Variants in GPR160 observed in about 807,000 individuals in gnomAD.
The protein encoded by GPR160 is G protein-coupled receptor 160.
GPR160 carries 2 observed loss-of-function variants against 2.6 expected under a neutral mutation model. That is an observed-to-expected ratio of 0.77 (90% CI 0.32 to 2.44). The LOEUF (loss-of-function observed/expected upper bound fraction) is 2.44, where lower values mean the gene tolerates loss of function less well. Ranked by LOEUF, GPR160 falls within the 30% of genes most tolerant of loss-of-function variation. The probability of loss-of-function intolerance (pLI) is 0.11; values close to 1 mark genes in which losing one functional copy is unlikely to be tolerated. For missense variants in GPR160, 351 were observed against 383.6 expected (o/e 0.91, Z 0.71); for synonymous variants, 130 against 132.2 (o/e 0.98, Z 0.12).
At chr3:170,081,457 C>CAA (rs1203791320) in intron 3 of GPR160, among the ~76,000 whole-genome samples, 1 of 152,140 alleles carries the variant, frequency 6.6e-6, no homozygotes, top group Non-Finnish European at 1.5e-5. Context: ...ATTGCCTTTA[C>CAA]ACATATATAC....
intron 2 of GPR160, among the ~76,000 whole-genome samples, chr3:170,065,386 C>A (rs888848865): frequency 1.3e-5 from 2 of 152,112 alleles, no homozygotes; most frequent in African/African-American, 4.8e-5. Flanking sequence ...AGCCATGTGC[C>A]CTACTCTAAT....
intron 2 of GPR160, chr3:170,062,523 A>G (rs1346360534): frequency 4.6e-6 from 3 of 656,064 alleles, no homozygotes; most frequent in African/African-American, 3.7e-5. Flanking sequence ...TGCAACACGG[A>G]GCACGAAGCC....
intron 2 of GPR160, among the ~76,000 whole-genome samples, chr3:170,055,215 A>G (rs1711575497): frequency 6.6e-6 from 1 of 152,214 alleles, no homozygotes; most frequent in Admixed American, 6.5e-5. Flanking sequence ...GTAGAATGGT[A>G]GTGGGGCAAG....
chr3:170,077,214 G>A (rs1017334315), intron 2 of GPR160: 1 of 152,066 alleles, frequency 6.6e-6, no homozygotes, highest in Non-Finnish European at 1.5e-5. Flanking sequence ...TGTTCACAGC[G>A]TTCATCTCCC....
Position 170,054,509 on chromosome 3 carries a change from T to C in GPR160, c.-193+15466T>C, listed in dbSNP as rs140374996. Among the ~76,000 whole-genome samples the C allele has an allele frequency of 2.9e-3, 439 of 152,278 alleles. 1 individual carries two copies. Among genetic ancestry groups the C allele is most frequent in the African/African-American group, 9.2e-3 (383 of 41,544 alleles). ...TCTTAACCATTTTTAAGTGTACAGG[T>C]CAATGGCACTAAGTACATTCACATT... On this transcript the variant is annotated intron_variant, in intron 2 of 3. Coordinates refer to ENST00000355897, the MANE Select transcript of GPR160 (RefSeq NM_014373.3).
chr3:170,074,963 C>T (rs1712779932), intron 2 of GPR160, among the ~76,000 whole-genome samples: 2 of 152,062 alleles, frequency 1.3e-5, no homozygotes, highest in South Asian at 4.2e-4. Flanking sequence ...CAGTGGCTCA[C>T]ACCTGTAATC....
chr3:170,082,405 T>A (rs1433117623), intron 3 of GPR160, among the ~76,000 whole-genome samples: 6 of 152,156 alleles, frequency 3.9e-5, no homozygotes, highest in Admixed American at 6.5e-5. Flanking sequence ...AAGATGACCA[T>A]ATCCAGGGTG....
intron 2 of GPR160, among the ~76,000 whole-genome samples, chr3:170,045,437 AAAAAAAAAAAC>A (rs1716674124): frequency 4.8e-5 from 5 of 104,956 alleles, no homozygotes; most frequent in Admixed American, 1.1e-4. Flanking sequence ...AAAAAAAAAA[AAAAAAAAAAAC>A]CAATTAGCCA....
At chr3:170,073,742 T>G (rs539860048) in intron 2 of GPR160, among the ~76,000 whole-genome samples, 1 of 152,324 alleles carries the variant, frequency 6.6e-6, no homozygotes, top group Non-Finnish European at 1.5e-5. Context: ...TTCTAGTCCT[T>G]GTGAAATGAG....
chr3:170,066,130 C>CTTTT (rs768660597), intron 2 of GPR160, among the ~76,000 whole-genome samples: 33 of 85,214 alleles, frequency 3.9e-4, no homozygotes, highest in East Asian at 3.7e-3. Flanking sequence ...TTTTCTTTTT[C>CTTTT]TTTTTTTTTT....
In GPR160 at chr3:170,038,821, G is replaced by T. The variant is rs1225937325; in HGVS notation, c.-321-94G>T. On this transcript the variant is annotated intron_variant, in intron 1 of 3. Transcript: ENST00000355897. This position sits in a 1 kb window ranked among gnomAD's most constrained non-coding sequence, Gnocchi z 5.3. ...GCCGTTGCGTCCGGGTAGGTTCCTGGATGACCATCCTGGCTGGCTCAAAAT... is the reference window on the plus strand; with the variant it reads ...GCCGTTGCGTCCGGGTAGGTTCCTGTATGACCATCCTGGCTGGCTCAAAAT... 2.6e-5 allele frequency: 4 copies of T among 152,238 alleles called. No homozygotes were observed. Among genetic ancestry groups the T allele is most frequent in the South Asian group, 4.1e-4 (2 of 4,822 alleles). The allele number at this position is 152,238 out of a possible 1,614,324, so 9.4% of individuals were successfully genotyped here.
intron 2 of GPR160, among the ~76,000 whole-genome samples, chr3:170,055,321 A>G (rs1711580940): frequency 6.6e-6 from 1 of 152,176 alleles, no homozygotes; most frequent in Non-Finnish European, 1.5e-5. Context: ...TGTGATGGTG[A>G]AAAAAGGATC....
intron 2 of GPR160, among the ~76,000 whole-genome samples, chr3:170,068,307 A>G (rs1408012564): frequency 6.6e-6 from 1 of 151,758 alleles, no homozygotes; most frequent in East Asian, 1.9e-4. Flanking sequence ...ACCATGCCCC[A>G]CTAATTATTT....
chr3:170,081,757 A>G (rs12487269), intron 3 of GPR160, among the ~76,000 whole-genome samples: 68,117 of 151,898 alleles, frequency 0.45, 15,551 homozygotes, highest in East Asian at 0.7. Flanking sequence ...CCCAGTGTCC[A>G]CTGTCCCCTT....
At chr3:170,058,589 A>C (rs1487819538) in intron 2 of GPR160, among the ~76,000 whole-genome samples, 1 of 152,256 alleles carries the variant, frequency 6.6e-6, no homozygotes, top group Non-Finnish European at 1.5e-5. Flanking sequence ...ATACTAGTTA[A>C]ACCGTCATTC....
intron 2 of GPR160, among the ~76,000 whole-genome samples, chr3:170,051,848 G>A (rs978883365): frequency 6.6e-6 from 1 of 152,140 alleles, no homozygotes; most frequent in African/African-American, 2.4e-5. Context: ...AGCCTAAGTT[G>A]TTGATTTCTT....
At chr3:170,046,481 T>G (rs1716726212) in intron 2 of GPR160, among the ~76,000 whole-genome samples, 1 of 152,094 alleles carries the variant, frequency 6.6e-6, no homozygotes, top group Non-Finnish European at 1.5e-5. Flanking sequence ...TAAGGCCAGG[T>G]CTTCTGGGCA....
chr3:170,072,349 C>T (rs1335333794), intron 2 of GPR160, among the ~76,000 whole-genome samples: 1 of 151,930 alleles, frequency 6.6e-6, no homozygotes, highest in Non-Finnish European at 1.5e-5. Context: ...TGCTGGGATT[C>T]CAGGCATGAA....
chr3:170,056,177 T>C lies in GPR160; in HGVS notation c.-193+17134T>C, dbSNP rs573015367. 6.6e-5 allele frequency among the ~76,000 whole-genome samples: 10 copies of C among 152,362 alleles called. No individual in the cohort carries two copies. In the South Asian group the frequency reaches 1.0e-3, roughly 16 times the overall value. ...CTGAACCTTATACTTGTATTACTTA[T>C]CTGTTCCCACCAAAATGATGACGAG... On this transcript the variant is annotated intron_variant, in intron 2 of 3. Coordinates refer to ENST00000355897, the MANE Select transcript of GPR160 (RefSeq NM_014373.3).
Sources: gnomAD v4.1 joint callset for allele counts (sites outside exome capture counted in the v4.1 genomes callset) on GRCh38, gnomAD v4.1.1 for gene constraint, Gnocchi (gnomAD v3.1) non-coding constraint, MANE v1.5 for transcripts, NCBI Gene and HGNC (gene_info 2026-07-23, HGNC 2026-07-21) for gene names.